Variants in ARL5C observed in about 807,000 individuals in gnomAD.
ARL5C encodes the protein putative ADP-ribosylation factor-like protein 5C.
ARL5C carries 21 observed loss-of-function variants against 20.8 expected under a neutral mutation model. The observed-to-expected ratio is 1.01, with a 90% CI of 0.72 to 1.46. The LOEUF is 1.46. Among genes scored for constraint, ARL5C ranks in the 40% most tolerant of loss-of-function variants. The pLI, the probability that ARL5C is intolerant of heterozygous loss-of-function variation, is 0.00. For missense variants in ARL5C, 199 were observed against 225.1 expected, an observed-to-expected ratio of 0.88 and a Z score of 0.74; for synonymous variants, 71 against 81.6, an observed-to-expected ratio of 0.87 and a Z score of 0.70.
chr17:39,165,429 G>A (rs913137487), intron 1 of ARL5C: 34 of 589,358 alleles, frequency 5.8e-5, no homozygotes, highest in African/African-American at 5.2e-4. Flanking sequence ...ATAACGCGAA[G>A]TCACAATCGC....
intron 1 of ARL5C, 26 bp downstream of exon 1, chr17:39,165,689 G>T: frequency 6.4e-7 from 1 of 1,551,736 alleles, no homozygotes; most frequent in Non-Finnish European, 8.7e-7. Context: ...CAAAGCGCTC[G>T]CTTGGATGCC....
Position 39,165,905 on chromosome 17 carries a change from A to T in ARL5C, c.-145T>A, listed in dbSNP as rs2045461310. ...GGAAGCCCCACACGTCACCAACCTG[A>T]CCTGGGAACCCTCTGGGACGCTGGC... On this transcript the variant is annotated 5_prime_UTR_variant, in exon 1 of 6. Coordinates refer to ENST00000269586, the MANE Select transcript of ARL5C (RefSeq NM_001143968.1). 1 of 902,510 alleles carries T rather than the reference A, an allele frequency of 1.1e-6. No homozygotes were observed. Among genetic ancestry groups the T allele is most frequent in the African/African-American group, 1.7e-5 (1 of 60,320 alleles). The allele number at this position is 902,510 out of a possible 1,614,324, so 55.9% of individuals were successfully genotyped here. A position where few individuals can be genotyped will look rare whatever the true frequency, so the allele number is the denominator to read the frequency against.
At chr17:39,159,038 T>G (rs919242508) in intron 5 of ARL5C, among the ~76,000 whole-genome samples, 4 of 128,946 alleles carry the variant, frequency 3.1e-5, no homozygotes, top group South Asian at 5.5e-4. Flanking sequence ...TTTTTTTTTT[T>G]TTTTTTTTTT....
chr17:39,156,929 G>C lies in ARL5C; in HGVS notation c.505C>G (p.Leu169Val), dbSNP rs1567779362. Residue 169 changes from leucine to valine, a missense_variant, in exon 6 of 6, where the codon CTT becomes GTT. Transcript: ENST00000269586. ...ALTREGLPAR[L>V]QWMESQAAAN is the part of the protein sequence containing the mutation. The stretch of plus-strand genomic sequence containing the variant: ...GCGGCCTGAGATTCCATCCACTGAA[G>C]TCTGGCAGGCAGCCTGCAGGGAGGA... 1 of 1,551,880 alleles carries C rather than the reference G, an allele frequency of 6.4e-7. No homozygotes were observed. The highest frequency in any genetic ancestry group is 8.7e-7 in the Non-Finnish European group (1 of 1,146,990).
chr17:39,160,888 AC>A, intron 4 of ARL5C, 146 bp from the exon 5 acceptor site: 1 of 901,904 alleles, frequency 1.1e-6, no homozygotes, highest in Admixed American at 2.9e-5. Context: ...GGGCCCTGCC[AC>A]AATGGTAGCA....
chr17:39,163,339 C>T (rs529967891), intron 2 of ARL5C, among the ~76,000 whole-genome samples: 25 of 95,606 alleles, frequency 2.6e-4, no homozygotes, highest in African/African-American at 7.8e-4. Context: ...GGGGTCCAGG[C>T]TTTTGCCTTT....
chr17:39,165,865 T>C lies in ARL5C; in HGVS notation c.-105A>G, dbSNP rs1201544874. ...TCCCCCGGGAGGGTCTGGCAGATTT[T>C]GCCTACGAAGTTAGGGAAGCCCCAC... On this transcript the variant is annotated 5_prime_UTR_variant, in exon 1 of 6. Coordinates refer to ENST00000269586, the MANE Select transcript of ARL5C (RefSeq NM_001143968.1). The C allele has an allele frequency of 7.1e-7, 1 of 1,404,072 alleles. No homozygotes were observed. The highest frequency in any genetic ancestry group is 1.4e-5 in the African/African-American group (1 of 69,990). The allele number at this position is 1,404,072 out of a possible 1,614,324, so 87.0% of individuals were successfully genotyped here. A position where few individuals can be genotyped will look rare whatever the true frequency, so the allele number is the denominator to read the frequency against.
At chr17:39,158,121 GAGGGAGGGAGGA>G (rs2045415788) in intron 5 of ARL5C, among the ~76,000 whole-genome samples, 1 of 141,796 alleles carries the variant, frequency 7.1e-6, no homozygotes, top group African/African-American at 2.6e-5. Context: ...GGGAGGGAGG[GAGGGAGGGAGGA>G]AGGAAGGAAG....
At chr17:39,163,368 T>TTCTTTCTTTCTC (rs2045445716) in intron 2 of ARL5C, among the ~76,000 whole-genome samples, 1 of 131,814 alleles carries the variant, frequency 7.6e-6, no homozygotes, top group Non-Finnish European at 1.5e-5. Context: ...CTTTCTTTCT[T>TTCTTTCTTTCTC]TCTTTCTTTC....
rs2045441065 is a variant in ARL5C, at chr17:39,162,753, C to T, written c.213G>A (p.Glu71=). The T allele has an allele frequency of 6.4e-7, 1 of 1,551,712 alleles. No individual in the cohort carries two copies. Among genetic ancestry groups the T allele is most frequent in the Non-Finnish European group, 8.7e-7 (1 of 1,146,990 alleles). The change falls in exon 3 of 6, where the codon GAG becomes GAA. Residue 71 remains glutamate, a synonymous_variant. Coordinates refer to ENST00000269586, the MANE Select transcript of ARL5C (RefSeq NM_001143968.1). The stretch of plus-strand genomic sequence containing the variant: ...ATGTGTTCCAGATAAAGCTCAGAGC[C>T]TCAGGTCTCACTATGTCCCACATGA... ...HFFMWDIVRP[E]ALSFIWNTYY...
intron 5 of ARL5C, among the ~76,000 whole-genome samples, chr17:39,157,587 C>T (rs1215238033): frequency 4.1e-5 from 6 of 147,850 alleles, no homozygotes; most frequent in South Asian, 4.3e-4. Context: ...GTCGGGAATT[C>T]GAGACCAGCC....
chr17:39,158,550 CT>C (rs2045418111), intron 5 of ARL5C, among the ~76,000 whole-genome samples: 1 of 151,360 alleles, frequency 6.6e-6, no homozygotes, highest in Admixed American at 6.6e-5. Flanking sequence ...GAGGTTGAAG[CT>C]GCAGTAAGCC....
Position 39,160,681 on chromosome 17 carries a change from C to T in ARL5C, c.401G>A (p.Arg134Lys). ...AAGGAAATGGGAGATCTCCACCATCCTCATGGAGTCCTTCACGTCCTGCTT... is the reference window on the plus strand; with the variant it reads ...AAGGAAATGGGAGATCTCCACCATCTTCATGGAGTCCTTCACGTCCTGCTT... ...ANKQDVKDSM[R>K]MVEISHFLTL... Residue 134 changes from arginine to lysine, a missense_variant, in exon 5 of 6, where the codon AGG becomes AAG. Arg to Lys is a conservative substitution (Grantham distance 26). Transcript: ENST00000269586. 1.9e-6 allele frequency: 3 copies of T among 1,551,830 alleles called. No individual in the cohort carries two copies. The highest frequency in any genetic ancestry group is 2.6e-6 in the Non-Finnish European group (3 of 1,146,986).
In ARL5C at chr17:39,160,620, T is replaced by C. The variant is rs1244234102; in HGVS notation, c.462A>G (p.Ile154Met). 1.9e-6 allele frequency: 3 copies of C among 1,551,882 alleles called. No homozygotes were observed. Among genetic ancestry groups the C allele is most frequent in the Non-Finnish European group, 1.7e-6 (2 of 1,147,006 alleles). The change falls in exon 5 of 6, where the codon ATA becomes ATG. Residue 154 changes from isoleucine (I) to methionine (M), a missense_variant. Transcript: ENST00000269586. The part of the protein sequence containing the change: ...LSTIKDHSWH[I>M]QGCCALTREG... ...CCCTGGTGAGGGCACAGCAGCCTTGTATATGCCACGAGTGGTCTTTGATGG... is the reference window on the plus strand; with the variant it reads ...CCCTGGTGAGGGCACAGCAGCCTTGCATATGCCACGAGTGGTCTTTGATGG...
chr17:39,159,419 C>T (rs1453347658), intron 5 of ARL5C, among the ~76,000 whole-genome samples: 4 of 151,646 alleles, frequency 2.6e-5, no homozygotes, highest in Non-Finnish European at 4.4e-5. Flanking sequence ...GCCTCACCCT[C>T]CCAAGTACCT....
rs1383383291 is a variant in ARL5C at position 39,165,785 on chromosome 17, C to T, written c.-25G>A. 1.9e-6 allele frequency: 3 copies of T among 1,551,652 alleles called. No individual in the cohort carries two copies. In the African/African-American group the frequency reaches 4.1e-5, roughly 21 times the overall value. On this transcript the variant is annotated 5_prime_UTR_variant, in exon 1 of 6. Coordinates refer to ENST00000269586, the MANE Select transcript of ARL5C (RefSeq NM_001143968.1). Reference sequence around the variant, plus strand: ...TGGCACTTCCCGGGCCGGACAGGTGCAGGAGGGCTCAGCGGCCTCAGGAGC... The same window carrying T: ...TGGCACTTCCCGGGCCGGACAGGTGTAGGAGGGCTCAGCGGCCTCAGGAGC...
intron 5 of ARL5C, among the ~76,000 whole-genome samples, chr17:39,158,539 A>G (rs897871651): frequency 1.3e-5 from 2 of 151,746 alleles, no homozygotes; most frequent in African/African-American, 2.4e-5. Context: ...CTTGAGCCCA[A>G]GAGGTTGAAG....
At chr17:39,165,627 TC>T in intron 1 of ARL5C, 87 bp downstream of exon 1, 3 of 1,506,238 alleles carry the variant, frequency 2.0e-6, no homozygotes. Flanking sequence ...GAGCCCGAGG[TC>T]CCCCCGTGCG....
chr17:39,160,615 C>T lies in ARL5C; in HGVS notation c.467G>A (p.Gly156Asp), dbSNP rs1009967820. The change falls in exon 5 of 6, where the codon GGC becomes GAC. Residue 156 changes from glycine (G) to aspartate (D), a missense_variant. By Grantham distance (94) the Gly-to-Asp change is moderately conservative (BLOSUM62 -1). Coordinates refer to ENST00000269586, the MANE Select transcript of ARL5C (RefSeq NM_001143968.1). ...CCCTTCCCTGGTGAGGGCACAGCAG[C>T]CTTGTATATGCCACGAGTGGTCTTT... ...TIKDHSWHIQ[G>D]CCALTREGLP... 3.2e-6 allele frequency: 5 copies of T among 1,551,694 alleles called. No individual in the cohort carries two copies. The African/African-American group carries it at 5.5e-5, about 17-fold the overall frequency.
Sources: allele counts gnomAD v4.1 joint callset (sites outside exome capture counted in the v4.1 genomes callset), GRCh38; gene constraint gnomAD v4.1.1; transcripts MANE v1.5; gene names NCBI Gene and HGNC (gene_info 2026-07-23, HGNC 2026-07-21).